Variants in SLC16A7 observed in about 807,000 individuals in gnomAD.
SLC16A7 encodes the protein monocarboxylate transporter 2.
A neutral mutation model predicts 34.9 loss-of-function variants in SLC16A7; 33 were observed. The ratio of observed to expected loss-of-function variants is 0.94; its 90% CI spans 0.72 to 1.26. The LOEUF (loss-of-function observed/expected upper bound fraction) is 1.26, where lower values mean the gene tolerates loss of function less well. Ranked by LOEUF, SLC16A7 falls within the 50% of genes most tolerant of loss-of-function variation. SLC16A7 has a pLI of 0.00. For missense variants in SLC16A7, 573 were observed against 578.1 expected (o/e 0.99, Z 0.09); for synonymous variants, 201 against 206.6 (o/e 0.97, Z 0.23).
chr12:59,615,679 C>G (rs1170420609), intron 1 of SLC16A7, among the ~76,000 whole-genome samples: 5 of 152,180 alleles, frequency 3.3e-5, no homozygotes, highest in African/African-American at 1.2e-4. Flanking sequence ...TGTTCATACT[C>G]TTGGAGTATT....
chr12:59,718,312 A>T (rs1193442040), intron 3 of SLC16A7, among the ~76,000 whole-genome samples: 1 of 152,134 alleles, frequency 6.6e-6, no homozygotes, highest in Non-Finnish European at 1.5e-5. Flanking sequence ...GTTTCAAAGC[A>T]TACCAAAAGC....
chr12:59,635,934 T>A (rs1268441608), intron 1 of SLC16A7, among the ~76,000 whole-genome samples: 1 of 151,538 alleles, frequency 6.6e-6, no homozygotes, highest in Non-Finnish European at 1.5e-5. Context: ...CTTAGAAGTA[T>A]CAATGTTTTA....
At chr12:59,754,933 G>A (rs1236248794) in intron 3 of SLC16A7, among the ~76,000 whole-genome samples, 5 of 152,080 alleles carry the variant, frequency 3.3e-5, no homozygotes, top group Admixed American at 6.6e-5. Context: ...TTCATCCCTG[G>A]GATGCAAGGC....
chr12:59,708,610 T>C (rs896780268), intron 3 of SLC16A7, among the ~76,000 whole-genome samples: 2 of 152,106 alleles, frequency 1.3e-5, no homozygotes, highest in African/African-American at 4.8e-5. Flanking sequence ...CTAATTGCAT[T>C]AGCCTAGAGA....
rs1374537761 is a variant in SLC16A7 at position 59,706,040 on chromosome 12, CTT to C, written c.217+1024_217+1025del. Among the ~76,000 whole-genome samples the C allele has an allele frequency of 3.3e-5, 5 of 152,120 alleles. No homozygotes were observed. In the South Asian group the frequency reaches 6.2e-4, roughly 19 times the overall value. On this transcript the variant is annotated intron_variant, in intron 3 of 5. Coordinates refer to ENST00000547379, the MANE Select transcript of SLC16A7 (RefSeq NM_001270623.2). Reference sequence around the variant, plus strand: ...ATCCGTGAAATAAGTATTATCTTCTCTTTATTCCATAGCTAAGGAAATATATA... The same window carrying C: ...ATCCGTGAAATAAGTATTATCTTCTCTATTCCATAGCTAAGGAAATATATA...
intron 1 of SLC16A7, among the ~76,000 whole-genome samples, chr12:59,619,168 C>T: frequency 6.6e-6 from 1 of 152,028 alleles, no homozygotes; most frequent in East Asian, 1.9e-4. Flanking sequence ...TTACAAGATT[C>T]CTTTTTGGAT....
At chr12:59,674,162 C>G (rs924176617) in intron 2 of SLC16A7, among the ~76,000 whole-genome samples, 18 of 152,080 alleles carry the variant, frequency 1.2e-4, no homozygotes, top group Admixed American at 1.1e-3. Context: ...ATTAGAAGAA[C>G]TAAGAAAATA....
chr12:59,779,299 T>G (rs1227546205), intron 5 of SLC16A7, 124 bp from the exon 6 acceptor site: 1 of 739,362 alleles, frequency 1.4e-6, no homozygotes, highest in Non-Finnish European at 2.1e-6. Flanking sequence ...TTTTTTATTT[T>G]TAAAGTCTTA....
intron 1 of SLC16A7, among the ~76,000 whole-genome samples, chr12:59,626,926 G>A (rs1234777977): frequency 5.3e-5 from 8 of 151,924 alleles, no homozygotes; most frequent in Admixed American, 5.3e-4. Context: ...AGCAACAAGA[G>A]ACATTTGTAA....
intron 3 of SLC16A7, among the ~76,000 whole-genome samples, chr12:59,738,992 T>G (rs1288929834): frequency 6.6e-6 from 1 of 150,618 alleles, no homozygotes; most frequent in Admixed American, 6.6e-5. Context: ...ACTATTTCAC[T>G]ATGGAGCTGG....
At chr12:59,696,925 G>A (rs1393616549) in intron 2 of SLC16A7, among the ~76,000 whole-genome samples, 1 of 151,836 alleles carries the variant, frequency 6.6e-6, no homozygotes, top group Non-Finnish European at 1.5e-5. Flanking sequence ...GCTGAAAACA[G>A]AAAGTAAAAT....
Position 59,656,990 on chromosome 12 carries a change from A to G in SLC16A7, c.-31+1740A>G, listed in dbSNP as rs182924571. 2.0e-5 allele frequency among the ~76,000 whole-genome samples: 3 copies of G among 152,062 alleles called. No homozygotes were observed. The East Asian group carries it at 5.8e-4, about 29-fold the overall frequency. On this transcript the variant is annotated intron_variant, in intron 2 of 5. Transcript: ENST00000547379. ...TCATCTGTAAAATGAGGACAATACA[A>G]GTTCTTTATAGGGCTGTTGTGAGAA... is the stretch of plus-strand genomic sequence containing the variant.
chr12:59,695,810 T>C (rs183704290), intron 2 of SLC16A7, among the ~76,000 whole-genome samples: 82 of 152,190 alleles, frequency 5.4e-4, no homozygotes, highest in Non-Finnish European at 1.6e-4. Flanking sequence ...TTCAGCACCA[T>C]ATTTAAATTG....
chr12:59,683,512 G>A lies in SLC16A7; in HGVS notation c.-30-21260G>A, dbSNP rs557548054. On this transcript the variant is annotated intron_variant, in intron 2 of 5. Coordinates refer to ENST00000547379, the MANE Select transcript of SLC16A7 (RefSeq NM_001270623.2). ...AATGAAAAAAAGAAGATGCATTCAA[G>A]AGCTATTAAAGGGAATTACTTATTA... 3.9e-5 allele frequency among the ~76,000 whole-genome samples: 6 copies of A among 152,266 alleles called. No individual in the cohort carries two copies. The East Asian group carries it at 9.7e-4, about 25-fold the overall frequency.
chr12:59,741,075 T>G (rs577038493), intron 3 of SLC16A7, among the ~76,000 whole-genome samples: 10 of 152,160 alleles, frequency 6.6e-5, no homozygotes, highest in African/African-American at 2.4e-4. Flanking sequence ...TACAAAGAAA[T>G]GGAAGAACAT....
intron 2 of SLC16A7, among the ~76,000 whole-genome samples, chr12:59,661,952 G>C (rs1400401940): frequency 6.6e-6 from 1 of 151,978 alleles, no homozygotes; most frequent in African/African-American, 2.4e-5. Flanking sequence ...TTAGAAAATA[G>C]AATCACTGTT....
intron 2 of SLC16A7, among the ~76,000 whole-genome samples, chr12:59,683,643 G>T (rs1870920074): frequency 6.6e-6 from 1 of 152,094 alleles, no homozygotes; most frequent in African/African-American, 2.4e-5. Flanking sequence ...CTAGGAAGTA[G>T]CAATAAATGA....
chr12:59,663,301 A>T (rs1234000799), intron 2 of SLC16A7, among the ~76,000 whole-genome samples: 1 of 151,976 alleles, frequency 6.6e-6, no homozygotes, highest in Admixed American at 6.6e-5. Flanking sequence ...AATAAATAAC[A>T]TTAACTGAAT....
chr12:59,640,450 A>C (rs1880630205), intron 1 of SLC16A7, among the ~76,000 whole-genome samples: 1 of 152,104 alleles, frequency 6.6e-6, no homozygotes, highest in South Asian at 2.1e-4. Flanking sequence ...AAAATAATTT[A>C]GAATTTCACT....
Sources: allele counts gnomAD v4.1 joint callset (sites outside exome capture counted in the v4.1 genomes callset), GRCh38; gene constraint gnomAD v4.1.1; transcripts MANE v1.5; gene names NCBI Gene and HGNC (gene_info 2026-07-23, HGNC 2026-07-21).